Variants in SNURF observed in about 807,000 individuals in gnomAD.
SNURF encodes SNRPN upstream open reading frame, also known as SNURF protein.
A neutral mutation model predicts 11.6 loss-of-function variants in SNURF; 6 were observed. That is an observed-to-expected ratio of 0.52 (90% CI 0.28 to 1.02). SNURF has a LOEUF of 1.02. SNURF is among the 50% of genes least tolerant of loss of function. SNURF has a pLI of 0.09. For synonymous variants in SNURF, 29 were observed against 31.6 expected (o/e 0.92, Z 0.27); for missense variants, 84 against 88.4 (o/e 0.95, Z 0.20).
intron 1 of SNURF, among the ~76,000 whole-genome samples, chr15:24,958,158 T>C (rs1333469989): frequency 1.3e-5 from 2 of 152,214 alleles, no homozygotes; most frequent in Non-Finnish European, 1.5e-5. Flanking sequence ...ACTCTGTATC[T>C]TTATGTTTCC....
At chr15:24,970,594 T>C (rs2076278486), downstream of SNURF, among the ~76,000 whole-genome samples, 1 of 152,140 alleles carries the variant, frequency 6.6e-6, no homozygotes. Flanking sequence ...AAAAATTGTG[T>C]TATGAATATT....
chr15:24,957,745 T>C (rs375360395), intron 1 of SNURF, among the ~76,000 whole-genome samples: 26 of 152,336 alleles, frequency 1.7e-4, no homozygotes, highest in African/African-American at 4.6e-4. Flanking sequence ...CCCTTTTTTT[T>C]CTGCTTGCAT....
At chr15:24,962,021 A>G in intron 1 of SNURF, 93 bp from the exon 2 acceptor site, 6 of 1,042,202 alleles carry the variant, frequency 5.8e-6, no homozygotes, top group African/African-American at 1.6e-5. Context: ...AAAATCCATT[A>G]TATTAAATGT....
intron 4 of SNURF, among the ~76,000 whole-genome samples, chr15:24,976,086 A>T (rs974771189): frequency 2.0e-5 from 3 of 152,252 alleles, no homozygotes; most frequent in African/African-American, 7.2e-5. Flanking sequence ...ACATCAAAGG[A>T]ACATTCTGTA....
intron 6 of SNURF, chr15:24,977,650 G>A: frequency 1.1e-6 from 1 of 919,402 alleles, no homozygotes; most frequent in Non-Finnish European, 1.5e-6. Context: ...AAAAAACATG[G>A]GAATAATGAG....
At chr15:24,976,851 T>A in intron 5 of SNURF, 1 of 1,600,878 alleles carries the variant, frequency 6.2e-7, no homozygotes, top group South Asian at 1.1e-5. Flanking sequence ...TTGTTTGATT[T>A]TAGGCTATGA....
chr15:24,971,220 G>A (rs2076359374), downstream of SNURF, among the ~76,000 whole-genome samples: 1 of 152,158 alleles, frequency 6.6e-6, no homozygotes, highest in African/African-American at 2.4e-5. Context: ...ATTTGCTTAT[G>A]TGCCCTTTGA....
At chr15:24,962,024 T>C (rs1421202527) in intron 1 of SNURF, 90 bp from the exon 2 acceptor site, 2 of 1,071,426 alleles carry the variant, frequency 1.9e-6, no homozygotes, top group Non-Finnish European at 2.9e-6. Context: ...ATCCATTATA[T>C]TAAATGTAGT....
chr15:24,975,073 A>T (rs1430673631), intron 3 of SNURF: 15 of 676,372 alleles, frequency 2.2e-5, no homozygotes, highest in African/African-American at 1.8e-4. Flanking sequence ...GGTTTGGTTT[A>T]CTTAGGGGAG....
chr15:24,968,855 T>G (rs775184656), downstream of SNURF: 2 of 152,226 alleles, frequency 1.3e-5, no homozygotes, highest in Non-Finnish European at 2.9e-5. Flanking sequence ...TTTAGTTCTT[T>G]TTATGTTGCT....
chr15:24,977,506 G>C (rs1311073008), intron 6 of SNURF, among the ~76,000 whole-genome samples: 1 of 152,048 alleles, frequency 6.6e-6, no homozygotes, highest in African/African-American at 2.4e-5. Flanking sequence ...TGTGTGTGGT[G>C]GTGGGTGCCT....
At chr15:24,976,515 G>T in intron 5 of SNURF, 2 of 847,824 alleles carry the variant, frequency 2.4e-6, no homozygotes, top group South Asian at 1.5e-5. Flanking sequence ...GTTCAACATG[G>T]ATTGTCAAAT....
At chr15:24,962,571 T>C (rs1056554723) in intron 2 of SNURF, among the ~76,000 whole-genome samples, 1 of 152,224 alleles carries the variant, frequency 6.6e-6, no homozygotes, top group Non-Finnish European at 1.5e-5. Flanking sequence ...TATTCATTCT[T>C]GCTCTGTGAT....
At chr15:24,962,588 GTGTT>G (rs1338394753) in intron 2 of SNURF, among the ~76,000 whole-genome samples, 3 of 152,004 alleles carry the variant, frequency 2.0e-5, no homozygotes, top group African/African-American at 4.8e-5. Context: ...TGATATTTAG[GTGTT>G]TGTTTTTGGT....
chr15:24,969,500 A>G (rs971963332), downstream of SNURF, among the ~76,000 whole-genome samples: 1 of 152,162 alleles, frequency 6.6e-6, no homozygotes, highest in Non-Finnish European at 1.5e-5. Context: ...TTTATACACA[A>G]CATTTTCTAG....
chr15:24,974,999 G>A (rs1388531674), intron 3 of SNURF: 4 of 702,744 alleles, frequency 5.7e-6, no homozygotes, highest in African/African-American at 1.7e-5. Context: ...GAAAATGGAA[G>A]GGTTTTGGCA....
At chr15:24,970,509 G>T (rs148083165), downstream of SNURF, among the ~76,000 whole-genome samples, 1 of 152,172 alleles carries the variant, frequency 6.6e-6, no homozygotes, top group Non-Finnish European at 1.5e-5. Context: ...AACCCTAGGG[G>T]CAGAGGTTGC....
rs533510150 is a variant in SNURF, at chr15:24,957,083, C to G, written c.14+2021C>G. 1.5e-4 allele frequency among the ~76,000 whole-genome samples: 23 copies of G among 152,210 alleles called. No homozygotes were observed. In the South Asian group the frequency reaches 4.6e-3, roughly 30 times the overall value. ...CTATTTTCAAACTGGACTTGTTAAC[C>G]CCTTTTTTTTAACTCCCTGTAGTCT... On this transcript the variant is annotated intron_variant, in intron 1 of 2. Coordinates refer to ENST00000577949, the Ensembl canonical transcript of SNURF.
exon 3 of SNURF, chr15:24,968,332 A>T: frequency 3.4e-6 from 1 of 291,968 alleles, no homozygotes; most frequent in Non-Finnish European, 6.6e-6. Context: ...TTTTTTAATT[A>T]TATAAAAATA....
Sources: allele counts gnomAD v4.1 joint callset (sites outside exome capture counted in the v4.1 genomes callset), GRCh38; gene constraint gnomAD v4.1.1; transcripts MANE v1.5; gene names NCBI Gene and HGNC (gene_info 2026-07-23, HGNC 2026-07-21).